The following WDR27 variants were observed in gnomAD, a reference collection of about 807,000 sequenced individuals.
WDR27 encodes WD repeat domain 27, also known as WD repeat-containing protein 27.
In WDR27, 100 loss-of-function variants were observed where a neutral mutation model predicts 114.4. The ratio of observed to expected loss-of-function variants is 0.87; its 90% CI spans 0.74 to 1.03. The LOEUF (loss-of-function observed/expected upper bound fraction) is 1.03, where lower values mean the gene tolerates loss of function less well. Ranked by LOEUF, WDR27 falls within the 50% of genes least tolerant of loss-of-function variation. WDR27 has a pLI of 0.00. For missense variants in WDR27, 1,129 were observed against 1,092.9 expected (o/e 1.03, Z -0.47); for synonymous variants, 449 against 423.1 (o/e 1.06, Z -0.75).
chr6:169,546,815 C>T (rs557994115), intron 25 of WDR27, among the ~76,000 whole-genome samples: 3 of 152,220 alleles, frequency 2.0e-5, no homozygotes, highest in African/African-American at 7.2e-5. Flanking sequence ...GTACTAGGGG[C>T]GCTGGCTTAC....
intron 21 of WDR27, among the ~76,000 whole-genome samples, chr6:169,629,655 G>A (rs1265623964): frequency 2.0e-5 from 3 of 152,022 alleles, no homozygotes; most frequent in African/African-American, 7.2e-5. Flanking sequence ...GGCCGGGCGC[G>A]GTGGCTCAGG....
chr6:169,599,449 G>T (rs145610703), intron 23 of WDR27, among the ~76,000 whole-genome samples: 1 of 152,076 alleles, frequency 6.6e-6, no homozygotes, highest in Non-Finnish European at 1.5e-5. Context: ...CCTGTTATTG[G>T]TCTATTCAGA....
intron 25 of WDR27, among the ~76,000 whole-genome samples, chr6:169,516,184 C>T (rs1793610648): frequency 6.6e-6 from 1 of 152,124 alleles, no homozygotes; most frequent in South Asian, 2.1e-4. Context: ...TGGAAGAGCC[C>T]TTACTCAACA....
At chr6:169,573,558 G>T (rs1033707911) in intron 24 of WDR27, among the ~76,000 whole-genome samples, 1 of 152,124 alleles carries the variant, frequency 6.6e-6, no homozygotes, top group African/African-American at 2.4e-5. Flanking sequence ...GCACACGGGG[G>T]ACCTGGAACC....
chr6:169,677,151 A>G (rs1165889136), intron 2 of WDR27, among the ~76,000 whole-genome samples: 2 of 152,244 alleles, frequency 1.3e-5, no homozygotes, highest in African/African-American at 4.8e-5. Context: ...GGAAGACGAG[A>G]TGCTGAGGGA....
At position 169,582,227 on chromosome 6, in the gene WDR27, G is replaced by A. The variant is rs567307730; in HGVS notation, c.2523+609C>T. Among the ~76,000 whole-genome samples, 233 of 152,168 alleles carry A rather than the reference G, an allele frequency of 1.5e-3. 3 individuals are homozygous for A. The highest frequency in any genetic ancestry group is 0.014 in the Middle Eastern group (4 of 294). ...TGACCTCAGGTGATTCACCCGCCTC[G>A]GCCTCCCAAAGTGCTGGGATTACAG... On this transcript the variant is annotated intron_variant, in intron 24 of 25. Transcript: ENST00000448612.
chr6:169,447,568 G>A, the WDR27 span, among the ~76,000 whole-genome samples: 1 of 152,196 alleles, frequency 6.6e-6, no homozygotes, highest in Non-Finnish European at 1.5e-5. Context: ...AGGAGACTCT[G>A]TGATTACTAC....
At chr6:169,481,768 A>G (rs1025504657) in intron 25 of WDR27, among the ~76,000 whole-genome samples, 3 of 149,940 alleles carry the variant, frequency 2.0e-5, no homozygotes, top group Non-Finnish European at 4.4e-5. Context: ...GCCTCCTTAA[A>G]GAACTGTAAC....
the WDR27 span, among the ~76,000 whole-genome samples, chr6:169,448,243 C>G: frequency 6.6e-6 from 1 of 151,954 alleles, no homozygotes; most frequent in Non-Finnish European, 1.5e-5. Flanking sequence ...TTGGTGGGAT[C>G]ATTTCTTTTA....
intron 25 of WDR27, among the ~76,000 whole-genome samples, chr6:169,493,806 G>A (rs1790075521): frequency 6.6e-6 from 1 of 152,042 alleles, no homozygotes; most frequent in African/African-American, 2.4e-5. Flanking sequence ...TAATATATAT[G>A]ACATACATAT....
intron 25 of WDR27, among the ~76,000 whole-genome samples, chr6:169,527,143 A>G (rs190012993): frequency 2.0e-4 from 30 of 152,276 alleles, no homozygotes; most frequent in African/African-American, 5.3e-4. Context: ...CCACTCCTAC[A>G]TATACACAAA....
At chr6:169,501,407 C>A (rs1443502149) in intron 25 of WDR27, among the ~76,000 whole-genome samples, 2 of 152,204 alleles carry the variant, frequency 1.3e-5, no homozygotes, top group African/African-American at 4.8e-5. Flanking sequence ...AGGCAGTAGC[C>A]CGCAGATGTG....
intron 13 of WDR27, among the ~76,000 whole-genome samples, chr6:169,652,496 C>T (rs1452915040): frequency 6.6e-6 from 1 of 152,232 alleles, no homozygotes; most frequent in Non-Finnish European, 1.5e-5. Flanking sequence ...ATCCACCTGC[C>T]GCAGCCTCCC....
chr6:169,549,338 A>G (rs578248488), intron 25 of WDR27, among the ~76,000 whole-genome samples: 11 of 152,310 alleles, frequency 7.2e-5, no homozygotes, highest in Non-Finnish European at 1.5e-4. Context: ...TTGCACACCT[A>G]TGAGAATGGC....
intron 21 of WDR27, among the ~76,000 whole-genome samples, chr6:169,627,934 T>G (rs1042281211): frequency 1.3e-5 from 2 of 152,066 alleles, no homozygotes; most frequent in Non-Finnish European, 2.9e-5. Context: ...TTCCAGAGAC[T>G]TGGTGAACAT....
chr6:169,507,446 AC>A (rs747097261), intron 25 of WDR27, among the ~76,000 whole-genome samples: 47 of 152,170 alleles, frequency 3.1e-4, no homozygotes, highest in Non-Finnish European at 4.4e-4. Flanking sequence ...CTCCATCTTG[AC>A]GGGGCTCACT....
intron 22 of WDR27, among the ~76,000 whole-genome samples, chr6:169,604,717 A>C (rs1476071762): frequency 1.3e-5 from 2 of 152,140 alleles, no homozygotes; most frequent in Non-Finnish European, 2.9e-5. Context: ...ACCAAACAGA[A>C]TCCAATAGCA....
chr6:169,499,923 G>A (rs2115474775), intron 25 of WDR27, among the ~76,000 whole-genome samples: 1 of 152,304 alleles, frequency 6.6e-6, no homozygotes, highest in Middle Eastern at 3.4e-3. Context: ...ATAGGAGATT[G>A]GTAAAGGGCT....
chr6:169,491,490 T>C (rs1018957274), intron 25 of WDR27, among the ~76,000 whole-genome samples: 13 of 151,762 alleles, frequency 8.6e-5, no homozygotes, highest in Admixed American at 6.6e-5. Context: ...TTCATATATA[T>C]AGAAATTATA....
Sources: allele counts gnomAD v4.1 joint callset (sites outside exome capture counted in the v4.1 genomes callset), GRCh38; gene constraint gnomAD v4.1.1; transcripts MANE v1.5; gene names NCBI Gene and HGNC (gene_info 2026-07-23, HGNC 2026-07-21).